Variants in CMKLR1 observed in about 807,000 individuals in gnomAD.
CMKLR1 encodes the protein chemerin chemokine-like receptor 1.
In CMKLR1, 6 loss-of-function variants were observed where a neutral mutation model predicts 8.2. That is an observed-to-expected ratio of 0.73 (90% CI 0.40 to 1.44). The LOEUF (loss-of-function observed/expected upper bound fraction) is 1.44. CMKLR1 is among the 40% of genes most tolerant of loss of function. The pLI, the probability that CMKLR1 is intolerant of heterozygous loss-of-function variation, is 0.02. For synonymous variants in CMKLR1, 178 were observed against 181.2 expected (o/e 0.98, Z 0.14); for missense variants, 429 against 478.0 (o/e 0.90, Z 0.96).
intron 1 of CMKLR1, among the ~76,000 whole-genome samples, chr12:108,334,074 A>G (rs1892168088): frequency 6.6e-6 from 1 of 152,236 alleles, no homozygotes; most frequent in Admixed American, 6.5e-5. Flanking sequence ...AATCTGGCCA[A>G]ATGATCTTGG....
At chr12:108,338,048 G>A (rs764394363) in intron 1 of CMKLR1, among the ~76,000 whole-genome samples, 5 of 152,206 alleles carry the variant, frequency 3.3e-5, no homozygotes, top group Non-Finnish European at 7.3e-5. Flanking sequence ...TGTGACCTCA[G>A]ACCAGTGATC....
intron 2 of CMKLR1, among the ~76,000 whole-genome samples, chr12:108,303,009 C>G (rs1401062459): frequency 6.6e-6 from 1 of 152,204 alleles, no homozygotes; most frequent in Non-Finnish European, 1.5e-5. Flanking sequence ...CAAACAAACA[C>G]TCCGATCCCT....
At chr12:108,315,136 C>T (rs990732882) in intron 2 of CMKLR1, among the ~76,000 whole-genome samples, 1 of 152,016 alleles carries the variant, frequency 6.6e-6, no homozygotes, top group Non-Finnish European at 1.5e-5. Context: ...GGGGTTTCTC[C>T]ATGTTGGTCA....
rs540310312 is a variant in CMKLR1, at chr12:108,288,113, G to C, written c.*3728C>G. On this transcript the variant is annotated 3_prime_UTR_variant, in exon 4 of 4. Transcript: ENST00000550402. ...GGAAGAAGTAAGAAGACCCCCTGCTGAATTATTTCACAGTAGAAATAGTAG... is the reference window on the plus strand; with the variant it reads ...GGAAGAAGTAAGAAGACCCCCTGCTCAATTATTTCACAGTAGAAATAGTAG... 2 of 152,254 alleles carry C rather than the reference G, an allele frequency of 1.3e-5. No individual in the cohort carries two copies. Among genetic ancestry groups the C allele is most frequent in the African/African-American group, 4.8e-5 (2 of 41,544 alleles). The allele number at this position is 152,254 out of a possible 1,614,324, so 9.4% of individuals were successfully genotyped here.
At chr12:108,310,806 C>G (rs539795126) in intron 2 of CMKLR1, among the ~76,000 whole-genome samples, 1 of 152,176 alleles carries the variant, frequency 6.6e-6, no homozygotes, top group Admixed American at 6.5e-5. Context: ...CCCCCATCCC[C>G]GGGCCTCATG....
Position 108,288,362 on chromosome 12 carries a change from T to A in CMKLR1, c.*3479A>T, listed in dbSNP as rs1180269847. 1 of 152,198 alleles carries A rather than the reference T, an allele frequency of 6.6e-6. No homozygotes were observed. The highest frequency in any genetic ancestry group is 1.5e-5 in the Non-Finnish European group (1 of 68,066). 9.4% of individuals were successfully genotyped at this position (152,198 alleles called of 1,614,324 possible). The stretch of plus-strand genomic sequence containing the variant: ...CAGGGGAAGCTCTCAAAACCTCAGT[T>A]CCCTCATCTGTGAAATGGGAGACAT... On this transcript the variant is annotated 3_prime_UTR_variant, in exon 4 of 4. Transcript: ENST00000550402.
rs1182833265 is a variant in CMKLR1, at chr12:108,288,665, C to T, written c.*3176G>A. The T allele has an allele frequency of 6.6e-6, 1 of 152,330 alleles. No individual in the cohort carries two copies. Among genetic ancestry groups the T allele is most frequent in the Non-Finnish European group, 1.5e-5 (1 of 68,142 alleles). The allele number at this position is 152,330 out of a possible 1,614,324, so 9.4% of individuals were successfully genotyped here. A position where few individuals can be genotyped will look rare whatever the true frequency, so the allele number is the denominator to read the frequency against. ...AGGCATCCCGGTGCTTGAGGCCCTT[C>T]GTGTTCTTGCTCTTCCCTTCTCCCT... On this transcript the variant is annotated 3_prime_UTR_variant, in exon 4 of 4. Coordinates refer to ENST00000550402, the MANE Select transcript of CMKLR1 (RefSeq NM_001142343.2).
intron 1 of CMKLR1, among the ~76,000 whole-genome samples, chr12:108,330,525 A>C (rs748768719): frequency 5.9e-5 from 9 of 152,186 alleles, no homozygotes; most frequent in Non-Finnish European, 8.8e-5. Context: ...AGGGGTGTGG[A>C]CTTCCATCCC....
At chr12:108,319,560 C>T (rs954023383) in intron 2 of CMKLR1, among the ~76,000 whole-genome samples, 5 of 152,160 alleles carry the variant, frequency 3.3e-5, no homozygotes, top group East Asian at 1.9e-4. Flanking sequence ...GCAATACATG[C>T]CTCACAAAGT....
intron 1 of CMKLR1, among the ~76,000 whole-genome samples, chr12:108,332,273 C>T (rs750255230): frequency 2.0e-5 from 3 of 152,204 alleles, no homozygotes; most frequent in Non-Finnish European, 2.9e-5. Flanking sequence ...CAAAAACATG[C>T]GGTGGCTCAT....
intron 2 of CMKLR1, among the ~76,000 whole-genome samples, chr12:108,305,811 G>C (rs1363829536): frequency 6.6e-6 from 1 of 152,176 alleles, no homozygotes; most frequent in African/African-American, 2.4e-5. Context: ...CTGCCTAACA[G>C]ACTGTCCCAT....
intron 2 of CMKLR1, among the ~76,000 whole-genome samples, chr12:108,327,682 T>C (rs1233668059): frequency 6.6e-6 from 1 of 152,114 alleles, no homozygotes; most frequent in East Asian, 1.9e-4. Flanking sequence ...GTAGGACTGG[T>C]CCCAGAGGAC....
intron 2 of CMKLR1, among the ~76,000 whole-genome samples, chr12:108,328,157 G>A (rs528374137): frequency 5.9e-5 from 9 of 152,052 alleles, no homozygotes; most frequent in East Asian, 3.9e-4. Context: ...AGCTTCCCCC[G>A]GGAGAAGTGA....
rs1345547533 is a variant in CMKLR1 at position 108,293,017 on chromosome 12, C to CTT, written c.4-59_4-58insAA. 1.2e-5 allele frequency: 18 copies of CTT among 1,486,314 alleles called. No homozygotes were observed. In the African/African-American group the frequency reaches 2.5e-4, roughly 21 times the overall value. The allele number at this position is 1,486,314 out of a possible 1,614,324, so 92.1% of individuals were successfully genotyped here. On this transcript the variant is annotated intron_variant, in intron 3 of 3. Coordinates refer to ENST00000550402, the MANE Select transcript of CMKLR1 (RefSeq NM_001142343.2). ...CCTAGAGTTGGCTTTAAGAGGTTGA[C>CTT]CAATACCAGCAAGACCAACAATGTT...
In CMKLR1 at chr12:108,293,675, A is replaced by T; in HGVS notation, c.-73-11T>A. 5 of 870,772 alleles carry T rather than the reference A, an allele frequency of 5.7e-6. No individual in the cohort carries two copies. The highest frequency in any genetic ancestry group is 7.8e-6 in the Non-Finnish European group (5 of 636,978). 53.9% of individuals were successfully genotyped at this position (870,772 alleles called of 1,614,324 possible). ...CACAGCTAGAAACACCTGTAGGGAA[A>T]AAAAAAAAAAAAAAAGCAGCAATTG... On this transcript the variant is annotated splice_polypyrimidine_tract_variant and intron_variant, in intron 2 of 3. Coordinates refer to ENST00000550402, the MANE Select transcript of CMKLR1 (RefSeq NM_001142343.2).
At position 108,293,671 on chromosome 12, in the gene CMKLR1, G is replaced by GTAA; in HGVS notation, c.-73-8_-73-7insTTA. 1.7e-6 allele frequency: 2 copies of GTAA among 1,190,874 alleles called. No homozygotes were observed. The highest frequency in any genetic ancestry group is 2.3e-6 in the Non-Finnish European group (2 of 875,060). The allele number at this position is 1,190,874 out of a possible 1,614,324, so 73.8% of individuals were successfully genotyped here. A position where few individuals can be genotyped will look rare whatever the true frequency, so the allele number is the denominator to read the frequency against. On this transcript the variant is annotated splice_region_variant and splice_polypyrimidine_tract_variant and intron_variant, in intron 2 of 3. Coordinates refer to ENST00000550402, the MANE Select transcript of CMKLR1 (RefSeq NM_001142343.2). ...TGTACACAGCTAGAAACACCTGTAG[G>GTAA]GAAAAAAAAAAAAAAAAAAGCAGCA...
At chr12:108,296,340 T>C (rs1268178024) in intron 2 of CMKLR1, among the ~76,000 whole-genome samples, 1 of 152,248 alleles carries the variant, frequency 6.6e-6, no homozygotes, top group Non-Finnish European at 1.5e-5. Context: ...ATTAAGTGCT[T>C]GGAACAGGTC....
Position 108,302,839 on chromosome 12 carries a change from G to A in CMKLR1, c.-73-9175C>T, listed in dbSNP as rs540944172. 6.6e-5 allele frequency among the ~76,000 whole-genome samples: 10 copies of A among 152,284 alleles called. No individual in the cohort carries two copies. The South Asian group carries it at 8.3e-4, about 13-fold the overall frequency. ...TGGGAGAGAGGGTGGGAGGGGTCAC[G>A]GGACTGGGAAATAGGGCTACTGGGA... On this transcript the variant is annotated intron_variant, in intron 2 of 3. Transcript: ENST00000550402.
chr12:108,308,580 A>G (rs1891469751), intron 2 of CMKLR1, among the ~76,000 whole-genome samples: 1 of 152,086 alleles, frequency 6.6e-6, no homozygotes, highest in African/African-American at 2.4e-5. Context: ...TGTGCTCAGC[A>G]TGGGTCCAGG....
Sources: allele counts gnomAD v4.1 joint callset (sites outside exome capture counted in the v4.1 genomes callset), GRCh38; gene constraint gnomAD v4.1.1; transcripts MANE v1.5; gene names NCBI Gene and HGNC (gene_info 2026-07-23, HGNC 2026-07-21).